The following ATP2B2 variants were observed in gnomAD, a reference collection of about 807,000 sequenced individuals.
ATP2B2 encodes the protein ATPase plasma membrane Ca2+ transporting 2.
Under a neutral mutation model 120.0 loss-of-function variants are expected in ATP2B2, and 15 were observed. That is an observed-to-expected ratio of 0.12 (90% CI 0.08 to 0.19). The LOEUF is 0.19. ATP2B2 is among the 10% of genes least tolerant of loss of function. The probability of loss-of-function intolerance (pLI) is 1.00; values close to 1 mark genes in which losing one functional copy is unlikely to be tolerated. For synonymous variants in ATP2B2, 694 were observed against 700.3 expected (o/e 0.99, Z 0.14); for missense variants, 1,045 against 1,719.8 (o/e 0.61, Z 6.94).
intron 1 of ATP2B2, among the ~76,000 whole-genome samples, chr3:10,698,864 G>A (rs1430796396): frequency 6.6e-6 from 1 of 152,230 alleles, no homozygotes; most frequent in Non-Finnish European, 1.5e-5. Context: ...TCCTTGCAGG[G>A]TGGTGGTGAG....
intron 12 of ATP2B2, among the ~76,000 whole-genome samples, chr3:10,360,331 G>A (rs2060861869): frequency 6.6e-6 from 1 of 152,224 alleles, no homozygotes; most frequent in Admixed American, 6.5e-5. Flanking sequence ...AGTGAAGCAA[G>A]ATTAGCTTTT....
Position 10,324,968 on chromosome 3 carries a change from C to G in ATP2B2, c.*3846G>C, listed in dbSNP as rs572390528. Reference sequence around the variant, plus strand: ...AGATGGCGGGTCCACCCCAACACAACCAAGGTGGGTGACTTTGGTTCCCAA... The same window carrying G: ...AGATGGCGGGTCCACCCCAACACAAGCAAGGTGGGTGACTTTGGTTCCCAA... On this transcript the variant is annotated 3_prime_UTR_variant, in exon 23 of 23. Transcript: ENST00000360273. 17 of 152,338 alleles carry G rather than the reference C, an allele frequency of 1.1e-4. No homozygotes were observed. Among genetic ancestry groups the G allele is most frequent in the African/African-American group, 3.8e-4 (16 of 41,576 alleles). 9.4% of individuals were successfully genotyped at this position (152,338 alleles called of 1,614,324 possible).
chr3:10,598,869 A>G (rs1382884169), intron 2 of ATP2B2, among the ~76,000 whole-genome samples: 1 of 152,256 alleles, frequency 6.6e-6, no homozygotes, highest in Non-Finnish European at 1.5e-5. Flanking sequence ...CCTGGAGCAC[A>G]CACCAAGAGG....
intron 2 of ATP2B2, among the ~76,000 whole-genome samples, chr3:10,540,484 G>T (rs2067411373): frequency 6.6e-6 from 1 of 152,094 alleles, no homozygotes; most frequent in African/African-American, 2.4e-5. Flanking sequence ...GTCCATCAAT[G>T]ATAGACTGGA....
intron 3 of ATP2B2, among the ~76,000 whole-genome samples, chr3:10,522,901 G>A (rs1439471245): frequency 2.0e-5 from 3 of 152,226 alleles, no homozygotes; most frequent in Admixed American, 6.5e-5. Context: ...AGATGGTGAC[G>A]ATGATGTCGG....
intron 1 of ATP2B2, among the ~76,000 whole-genome samples, chr3:10,499,009 TC>T (rs1329093316): frequency 6.6e-6 from 1 of 152,146 alleles, no homozygotes; most frequent in Non-Finnish European, 1.5e-5. Context: ...GGCAGGTTTT[TC>T]CCACTCCACT....
chr3:10,461,190 G>C (rs1171767356), intron 1 of ATP2B2, among the ~76,000 whole-genome samples: 1 of 152,212 alleles, frequency 6.6e-6, no homozygotes, highest in Non-Finnish European at 1.5e-5. Flanking sequence ...GGGTGGAAGT[G>C]TCTTTTAGCT....
At chr3:10,374,193 C>T (rs1179658408) in intron 11 of ATP2B2, among the ~76,000 whole-genome samples, 1 of 152,184 alleles carries the variant, frequency 6.6e-6, no homozygotes, top group Non-Finnish European at 1.5e-5. Flanking sequence ...CAAGGACATC[C>T]CCGGGCTCAG....
At chr3:10,420,129 G>C (rs986918661) in intron 2 of ATP2B2, among the ~76,000 whole-genome samples, 1 of 152,230 alleles carries the variant, frequency 6.6e-6, no homozygotes, top group African/African-American at 2.4e-5. Flanking sequence ...GGCACACAAA[G>C]GTGTGTGGCA....
At chr3:10,441,125 G>T (rs1217001468) in intron 2 of ATP2B2, among the ~76,000 whole-genome samples, 4 of 152,174 alleles carry the variant, frequency 2.6e-5, no homozygotes, top group Non-Finnish European at 5.9e-5. Flanking sequence ...AGGGAGCTTT[G>T]GAGAGTAAGG....
chr3:10,629,257 C>T (rs889042996), intron 1 of ATP2B2, among the ~76,000 whole-genome samples: 1 of 152,222 alleles, frequency 6.6e-6, no homozygotes, highest in Non-Finnish European at 1.5e-5. Flanking sequence ...GCTCGACCTC[C>T]GCTGGGAACG....
chr3:10,449,291 T>C, intron 2 of ATP2B2, 54 bp downstream of exon 2: 1 of 1,592,858 alleles, frequency 6.3e-7, no homozygotes, highest in Non-Finnish European at 8.6e-7. Context: ...CTGTGGCCAA[T>C]TCAGATGGTG....
chr3:10,328,968 T>A lies in ATP2B2; in HGVS notation c.3578A>T (p.Asp1193Val), dbSNP rs1290397168. The change falls in exon 23 of 23, where the codon GAT (aspartate) becomes GTT (valine). Residue 1193 changes from aspartate (D) to valine (V), a missense_variant. Asp to Val is a radical substitution (Grantham distance 152, BLOSUM62 -3). Around this residue, in one of 11 missense-constraint regions of ATP2B2, gnomAD observed 211 missense variants for 385.1 expected, o/e 0.55. Transcript: ENST00000360273. ...PLIDDTDLEEDAALKQNSSPP... is the reference protein window; with the variant it reads ...PLIDDTDLEEVAALKQNSSPP... ...GCTCGAGTTCTGCTTGAGCGCGGCA[T>A]CTTCTTCCAGGTCGGTGTCATCAAT... is the stretch of plus-strand genomic sequence containing the variant. 6.2e-7 allele frequency: 1 copy of A among 1,613,908 alleles called. No homozygotes were observed. Among genetic ancestry groups the A allele is most frequent in the Non-Finnish European group, 8.5e-7 (1 of 1,179,992 alleles).
chr3:10,353,233 G>A (rs2060626153), intron 14 of ATP2B2, among the ~76,000 whole-genome samples: 1 of 152,210 alleles, frequency 6.6e-6, no homozygotes, highest in Admixed American at 6.5e-5. Flanking sequence ...TGAGTATAAG[G>A]GGGTTTTGTG....
intron 12 of ATP2B2, among the ~76,000 whole-genome samples, chr3:10,361,094 T>C (rs1015485443): frequency 6.6e-6 from 1 of 152,246 alleles, no homozygotes; most frequent in Non-Finnish European, 1.5e-5. Context: ...GCTGATAATC[T>C]GTTCCTTTTG....
rs762260183 is a variant in ATP2B2, at chr3:10,598,006, G to C, written c.-415+21911C>G. ...GATTAAACTCCAAGTTGGGCTACTG[G>C]GGGGCAGGAACATGGACAACACAGT... is the stretch of plus-strand genomic sequence containing the variant. On this transcript the variant is annotated intron_variant, in intron 2 of 21. Coordinates refer to the ATP2B2 transcript ENST00000646379. 9.1e-4 allele frequency among the ~76,000 whole-genome samples: 138 copies of C among 152,248 alleles called. 1 individual carries two copies. Among genetic ancestry groups the C allele is most frequent in the Admixed American group, 3.5e-3 (54 of 15,292 alleles).
At chr3:10,411,885 C>T (rs141148879) in intron 2 of ATP2B2, among the ~76,000 whole-genome samples, 218 of 152,260 alleles carry the variant, frequency 1.4e-3, no homozygotes, top group African/African-American at 5.1e-3. Context: ...ATGTGGGGAC[C>T]GGACAGAGTG....
At chr3:10,578,763 G>C (rs1384965534) in intron 2 of ATP2B2, among the ~76,000 whole-genome samples, 1 of 152,180 alleles carries the variant, frequency 6.6e-6, no homozygotes, top group African/African-American at 2.4e-5. Context: ...GGAGCACATG[G>C]GTGATGGATG....
intron 2 of ATP2B2, among the ~76,000 whole-genome samples, chr3:10,427,976 T>C (rs2063195262): frequency 6.6e-6 from 1 of 152,230 alleles, no homozygotes. Context: ...AGACCTCCAA[T>C]AAGAGTAGAA....
Sources: allele counts gnomAD v4.1 joint callset (sites outside exome capture counted in the v4.1 genomes callset), GRCh38; gene constraint gnomAD v4.1.1; regional missense constraint gnomAD v4.1.1; transcripts MANE v1.5; gene names NCBI Gene and HGNC (gene_info 2026-07-23, HGNC 2026-07-21).